The following PDS5A variants were observed in gnomAD, a reference collection of about 807,000 sequenced individuals.
The protein encoded by PDS5A is PDS5 cohesin associated factor A, also known as sister chromatid cohesion protein PDS5 homolog A.
Under a neutral mutation model 167.1 loss-of-function variants are expected in PDS5A, and 42 were observed. The ratio of observed to expected loss-of-function variants is 0.25; its 90% CI spans 0.20 to 0.33. The LOEUF (loss-of-function observed/expected upper bound fraction) is 0.33, where lower values mean the gene tolerates loss of function less well. PDS5A is among the 10% of genes least tolerant of loss of function. The probability of loss-of-function intolerance (pLI) is 1.00; values close to 1 mark genes in which losing one functional copy is unlikely to be tolerated. For missense variants in PDS5A, 1,033 were observed against 1,605.9 expected, an observed-to-expected ratio of 0.64 and a Z score of 6.10; for synonymous variants, 553 against 554.6, an observed-to-expected ratio of 1.00 and a Z score of 0.04.
chr4:39,905,794 T>C (rs141341960), intron 11 of PDS5A, among the ~76,000 whole-genome samples: 17 of 144,120 alleles, frequency 1.2e-4, no homozygotes, highest in African/African-American at 4.1e-4. Context: ...GGAAGGAAGA[T>C]AGGGAGAGAG....
intron 22 of PDS5A, among the ~76,000 whole-genome samples, chr4:39,867,649 G>A (rs1318640343): frequency 6.6e-6 from 1 of 151,914 alleles, no homozygotes; most frequent in Non-Finnish European, 1.5e-5. Flanking sequence ...GAACCCGGGA[G>A]GCAGAGGTTG....
intron 23 of PDS5A, 27 bp downstream of exon 23, chr4:39,866,833 GA>G (rs1227936494): frequency 6.3e-7 from 1 of 1,591,232 alleles, no homozygotes; most frequent in Non-Finnish European, 8.6e-7. Flanking sequence ...TCAGCACTAA[GA>G]AAACTGGAAA....
At chr4:39,895,718 G>A (rs1320576982) in intron 16 of PDS5A, among the ~76,000 whole-genome samples, 1 of 151,998 alleles carries the variant, frequency 6.6e-6, no homozygotes, top group Admixed American at 6.6e-5. Flanking sequence ...GTTTGTTTTT[G>A]TTTGATTGTT....
intron 2 of PDS5A, among the ~76,000 whole-genome samples, chr4:39,957,960 A>G (rs1343109180): frequency 6.6e-6 from 1 of 151,942 alleles, no homozygotes; most frequent in African/African-American, 2.4e-5. Flanking sequence ...GTTCAAGACC[A>G]GCCTGACCAA....
chr4:39,961,750 G>T (rs986662084), intron 2 of PDS5A, among the ~76,000 whole-genome samples: 1 of 152,120 alleles, frequency 6.6e-6, no homozygotes, highest in African/African-American at 2.4e-5. Flanking sequence ...ACAATTAACT[G>T]TGAAAATAAA....
chr4:39,830,653 GACC>G (rs1454293637), intron 32 of PDS5A, among the ~76,000 whole-genome samples: 1 of 152,158 alleles, frequency 6.6e-6, no homozygotes, highest in Non-Finnish European at 1.5e-5. Flanking sequence ...TCAAACTCCT[GACC>G]TCAAGTGATC....
At chr4:39,842,837 T>A (rs1387948024) in intron 30 of PDS5A, among the ~76,000 whole-genome samples, 4 of 147,086 alleles carry the variant, frequency 2.7e-5, no homozygotes, top group Non-Finnish European at 4.5e-5. Context: ...ACTGAATACT[T>A]AACATGTTAA....
At chr4:39,969,960 CTT>C (rs10593975) in intron 2 of PDS5A, among the ~76,000 whole-genome samples, 98,355 of 142,960 alleles carry the variant, frequency 0.69, 34,742 homozygotes, top group Middle Eastern at 0.83. Flanking sequence ...AATGTAGAAT[CTT>C]TTTTTTTTTT....
chr4:39,899,795 A>T (rs1722719008), intron 14 of PDS5A, among the ~76,000 whole-genome samples: 1 of 143,518 alleles, frequency 7.0e-6, no homozygotes. Flanking sequence ...GGCTGCAGTG[A>T]GCTGTGATCA....
intron 13 of PDS5A, among the ~76,000 whole-genome samples, chr4:39,901,158 A>G (rs1722844261): frequency 6.6e-6 from 1 of 152,168 alleles, no homozygotes; most frequent in African/African-American, 2.4e-5. Context: ...ATATTTTGAA[A>G]TGTAAACAAA....
chr4:39,922,621 C>A lies in PDS5A; in HGVS notation c.654+1G>T. 6.4e-7 allele frequency: 1 copy of A among 1,568,088 alleles called. No individual in the cohort carries two copies. The highest frequency in any genetic ancestry group is 1.2e-5 in the South Asian group (1 of 82,134). Reference sequence around the variant, plus strand: ...CTTGAATATCTTCATACTTTACAGACCTTATGTGCAGGAATGAGGTTAATA... The same window carrying A: ...CTTGAATATCTTCATACTTTACAGAACTTATGTGCAGGAATGAGGTTAATA... On this transcript the variant is annotated splice_donor_variant, in intron 6 of 32. Coordinates refer to ENST00000303538, the MANE Select transcript of PDS5A (RefSeq NM_001100399.2). LOFTEE classifies it high-confidence loss of function.
intron 2 of PDS5A, among the ~76,000 whole-genome samples, chr4:39,961,548 A>G (rs1427103548): frequency 1.3e-5 from 2 of 152,168 alleles, no homozygotes; most frequent in Non-Finnish European, 2.9e-5. Context: ...AGTATGAGCC[A>G]CCGTGCCTGG....
At position 39,862,908 on chromosome 4, in the gene PDS5A, T is replaced by C; in HGVS notation, c.2932A>G (p.Ile978Val). 6.2e-7 allele frequency: 1 copy of C among 1,612,110 alleles called. No individual in the cohort carries two copies. Among genetic ancestry groups the C allele is most frequent in the Non-Finnish European group, 8.5e-7 (1 of 1,179,566 alleles). The change falls in exon 25 of 33, where the codon ATA becomes GTA. Residue 978 changes from isoleucine to valine, a missense_variant. This residue lies in a region of PDS5A where 367 missense variants were observed against 686.7 expected (regional missense o/e 0.53). Transcript: ENST00000303538. ...TTCTGCTTAATGTATTCCCTGCGTA[T>C]ACTGATATTTTTCAGTAAACATTGT... ...ARQCLLKNIS[I>V]RREYIKQNPM...
chr4:39,896,646 G>A (rs748133810), intron 16 of PDS5A, among the ~76,000 whole-genome samples: 9 of 151,774 alleles, frequency 5.9e-5, no homozygotes, highest in Non-Finnish European at 1.3e-4. Flanking sequence ...TGTGCCTATA[G>A]TCCCAGCTAC....
chr4:39,835,707 G>T (rs1716323138), intron 32 of PDS5A, among the ~76,000 whole-genome samples: 1 of 152,120 alleles, frequency 6.6e-6, no homozygotes, highest in Non-Finnish European at 1.5e-5. Context: ...ATTTTTAGTA[G>T]AAATGGGGTT....
intron 21 of PDS5A, among the ~76,000 whole-genome samples, chr4:39,870,137 C>G (rs763735032): frequency 6.6e-6 from 1 of 151,554 alleles, no homozygotes; most frequent in Non-Finnish European, 1.5e-5. Flanking sequence ...CAAAAAAACT[C>G]CTGGATATCC....
intron 2 of PDS5A, among the ~76,000 whole-genome samples, chr4:39,929,591 C>T: frequency 9.3e-6 from 1 of 108,022 alleles, no homozygotes; most frequent in Non-Finnish European, 1.8e-5. Context: ...ATCTCCTATA[C>T]ATATCCTATT....
At chr4:39,829,748 A>G (rs887164361) in intron 32 of PDS5A, among the ~76,000 whole-genome samples, 15 of 151,928 alleles carry the variant, frequency 9.9e-5, no homozygotes, top group East Asian at 3.9e-4. Flanking sequence ...TCAGGAGATC[A>G]AGACCATCCT....
chr4:39,945,927 C>T (rs934494617), intron 2 of PDS5A, among the ~76,000 whole-genome samples: 6 of 152,008 alleles, frequency 3.9e-5, no homozygotes, highest in African/African-American at 4.8e-5. Context: ...GCAGGACAGG[C>T]GCAGTGGCTC....
Sources: gnomAD v4.1 joint callset for allele counts (sites outside exome capture counted in the v4.1 genomes callset) on GRCh38, gnomAD v4.1.1 for gene constraint, gnomAD v4.1.1 regional missense constraint, MANE v1.5 for transcripts, NCBI Gene and HGNC (gene_info 2026-07-23, HGNC 2026-07-21) for gene names.